PIK3C2G: variants seen among roughly 807,000 people sequenced by gnomAD.
PIK3C2G encodes the protein phosphatidylinositol 3-kinase C2 domain-containing subunit gamma.
A neutral mutation model predicts 181.1 loss-of-function variants in PIK3C2G; 168 were observed. The ratio of observed to expected loss-of-function variants is 0.93; its 90% CI spans 0.82 to 1.05. The LOEUF is 1.05. Ranked by LOEUF, PIK3C2G falls within the 50% of genes least tolerant of loss-of-function variation. The pLI is 0.00. For missense variants in PIK3C2G, 1,869 were observed against 1,732.8 expected (o/e 1.08, Z -1.40); for synonymous variants, 573 against 592.2 (o/e 0.97, Z 0.47).
chr12:18,488,033 A>G (rs1407278936), intron 18 of PIK3C2G, among the ~76,000 whole-genome samples: 2 of 152,102 alleles, frequency 1.3e-5, no homozygotes. Context: ...CGGGGATATT[A>G]TCATTTGAAG....
At chr12:18,426,986 A>T (rs1945852939) in intron 18 of PIK3C2G, among the ~76,000 whole-genome samples, 1 of 152,174 alleles carries the variant, frequency 6.6e-6, no homozygotes, top group Admixed American at 6.5e-5. Context: ...TCAGAAAGCT[A>T]CTTTGGGGCA....
chr12:18,684,361 T>C, the PIK3C2G span: 11 of 1,375,894 alleles, frequency 8.0e-6, no homozygotes, highest in East Asian at 1.9e-4. Flanking sequence ...CTCCAAACTT[T>C]TTCTTTTCAA....
At chr12:18,431,149 T>G (rs1024805825) in intron 18 of PIK3C2G, among the ~76,000 whole-genome samples, 5 of 152,314 alleles carry the variant, frequency 3.3e-5, no homozygotes, top group African/African-American at 9.6e-5. Flanking sequence ...AGTCACTCCT[T>G]GAGGTTAAGT....
intron 6 of PIK3C2G, among the ~76,000 whole-genome samples, chr12:18,317,410 G>T (rs1184661977): frequency 1.3e-5 from 2 of 151,944 alleles, no homozygotes; most frequent in Admixed American, 1.3e-4. Flanking sequence ...CCAGGAACTG[G>T]GATAAGTACT....
intron 13 of PIK3C2G, among the ~76,000 whole-genome samples, chr12:18,380,930 CTTAAAT>C (rs1942791836): frequency 6.6e-6 from 1 of 152,134 alleles, no homozygotes; most frequent in Non-Finnish European, 1.5e-5. Flanking sequence ...TCTTTATAAA[CTTAAAT>C]TTAATTTTGT....
chr12:18,538,111 C>T (rs1208264887), intron 24 of PIK3C2G, 45 bp from the exon 25 acceptor site: 2 of 1,556,486 alleles, frequency 1.3e-6, no homozygotes, highest in Admixed American at 2.0e-5. Context: ...ACCTGACAAA[C>T]CATTTCTCTT....
At chr12:18,430,107 G>A (rs1324367115) in intron 18 of PIK3C2G, among the ~76,000 whole-genome samples, 1 of 152,174 alleles carries the variant, frequency 6.6e-6, no homozygotes, top group African/African-American at 2.4e-5. Flanking sequence ...CACAAACAGT[G>A]AAATTCTGCC....
Position 18,294,027 on chromosome 12 carries a change from ATGAAAT to A in PIK3C2G, c.1034+14_1034+19del. 1 of 1,278,028 alleles carries A rather than the reference ATGAAAT, an allele frequency of 7.8e-7. No individual in the cohort carries two copies. The highest frequency in any genetic ancestry group is 1.1e-6 in the Non-Finnish European group (1 of 882,204). The allele number at this position is 1,278,028 out of a possible 1,614,324, so 79.2% of individuals were successfully genotyped here. ...GAATTTTTACAAAAGTAAGTATTTTATGAAATTTTGGTTGTATTATAATCTGTAAAT... is the reference window on the plus strand; with the variant it reads ...GAATTTTTACAAAAGTAAGTATTTTATTTGGTTGTATTATAATCTGTAAAT... On this transcript the variant is annotated intron_variant, in intron 5 of 32. Coordinates refer to ENST00000538779, the MANE Select transcript of PIK3C2G (RefSeq NM_001288772.2).
the PIK3C2G span, among the ~76,000 whole-genome samples, chr12:18,663,675 A>T: frequency 6.6e-6 from 1 of 152,110 alleles, no homozygotes; most frequent in African/African-American, 2.4e-5. Context: ...AAGCTTTATG[A>T]TGTTGGATTT....
chr12:18,440,712 G>A (rs1201561083), intron 18 of PIK3C2G, among the ~76,000 whole-genome samples: 2 of 152,008 alleles, frequency 1.3e-5, no homozygotes, highest in African/African-American at 2.4e-5. Flanking sequence ...TGAGGTTACA[G>A]GGGGAAAGAG....
chr12:18,496,372 A>C (rs955988555), intron 21 of PIK3C2G, among the ~76,000 whole-genome samples: 2 of 152,202 alleles, frequency 1.3e-5, no homozygotes, highest in Non-Finnish European at 2.9e-5. Flanking sequence ...GGGAGCCTTC[A>C]GTGCAAAACC....
At chr12:18,395,665 A>C (rs1202341247) in intron 15 of PIK3C2G, among the ~76,000 whole-genome samples, 2 of 151,142 alleles carry the variant, frequency 1.3e-5, no homozygotes, top group Non-Finnish European at 3.0e-5. Flanking sequence ...AAGAAAAATG[A>C]ATCACAATGT....
At chr12:18,592,082 G>T (rs914262123) in intron 29 of PIK3C2G, among the ~76,000 whole-genome samples, 1 of 151,720 alleles carries the variant, frequency 6.6e-6, no homozygotes, top group Non-Finnish European at 1.5e-5. Context: ...ACACTTTTGT[G>T]GTTTGATTTG....
the PIK3C2G span, among the ~76,000 whole-genome samples, chr12:18,717,407 AT>A: frequency 6.6e-6 from 1 of 152,148 alleles, no homozygotes; most frequent in Non-Finnish European, 1.5e-5. Flanking sequence ...TATGTTTGAT[AT>A]TATCTTGGAA....
intron 14 of PIK3C2G, among the ~76,000 whole-genome samples, chr12:18,390,758 C>T (rs1287478889): frequency 1.3e-5 from 2 of 152,004 alleles, no homozygotes; most frequent in Admixed American, 6.6e-5. Flanking sequence ...TTCATCATTT[C>T]GTAAGGAGAC....
chr12:18,617,134 A>G (rs1160651564), intron 31 of PIK3C2G, among the ~76,000 whole-genome samples: 1 of 151,988 alleles, frequency 6.6e-6, no homozygotes, highest in Non-Finnish European at 1.5e-5. Context: ...CCTTCAGGGG[A>G]GATTTTTGCC....
At chr12:18,696,084 T>C in the PIK3C2G span, 2 of 903,896 alleles carry the variant, frequency 2.2e-6, no homozygotes, top group East Asian at 2.8e-5. Flanking sequence ...GAGTTTTTCA[T>C]ACATTCATAA....
At chr12:18,253,550 C>G (rs552281270) in intron 1 of PIK3C2G, among the ~76,000 whole-genome samples, 5 of 151,966 alleles carry the variant, frequency 3.3e-5, no homozygotes, top group Non-Finnish European at 7.4e-5. Flanking sequence ...AGATAAAGAC[C>G]AATGCAATTT....
At chr12:18,251,504 T>C (rs1034834011) in intron 1 of PIK3C2G, among the ~76,000 whole-genome samples, 4 of 152,038 alleles carry the variant, frequency 2.6e-5, no homozygotes, top group Admixed American at 6.5e-5. Flanking sequence ...ATGTGCAATG[T>C]ATTTAGTGTA....
Sources: gnomAD v4.1 joint callset for allele counts (sites outside exome capture counted in the v4.1 genomes callset) on GRCh38, gnomAD v4.1.1 for gene constraint, MANE v1.5 for transcripts, NCBI Gene and HGNC (gene_info 2026-07-23, HGNC 2026-07-21) for gene names.